TNKS: variants seen among roughly 807,000 people sequenced by gnomAD.
The protein encoded by TNKS is poly [ADP-ribose] polymerase tankyrase-1.
TNKS carries 72 observed loss-of-function variants against 135.8 expected under a neutral mutation model. The observed-to-expected ratio is 0.53, with a 90% confidence interval of 0.44 to 0.64. The LOEUF is 0.64. Among genes scored for constraint, TNKS ranks in the 30% least tolerant of loss-of-function variants. The pLI is 0.00. For missense variants in TNKS, 1,769 were observed against 1,674.0 expected, an observed-to-expected ratio of 1.06 and a Z score of -0.99; for synonymous variants, 849 against 649.3, an observed-to-expected ratio of 1.31 and a Z score of -4.68.
chr8:9,668,765 G>A (rs956767366), intron 3 of TNKS, among the ~76,000 whole-genome samples: 2 of 152,132 alleles, frequency 1.3e-5, no homozygotes, highest in Admixed American at 6.5e-5. Flanking sequence ...AAAATGCAAG[G>A]TGTATTTGGG....
Position 9,603,301 on chromosome 8 carries a change from C to T in TNKS, c.899-12281C>T, listed in dbSNP as rs147352363. 3.6e-3 allele frequency among the ~76,000 whole-genome samples: 544 copies of T among 151,974 alleles called. 3 individuals carry two copies. The highest frequency in any genetic ancestry group is 5.4e-3 in the Non-Finnish European group (368 of 67,992). On this transcript the variant is annotated intron_variant, in intron 2 of 26. Coordinates refer to ENST00000310430, the MANE Select transcript of TNKS (RefSeq NM_003747.3). Reference sequence around the variant, plus strand: ...GACTCCTGACCTGAAGTGATCCGCCCGCCTTGGCCTCCCAAAGTGCTGGGA... The same window carrying T: ...GACTCCTGACCTGAAGTGATCCGCCTGCCTTGGCCTCCCAAAGTGCTGGGA...
chr8:9,734,801 T>A, intron 15 of TNKS, 64 bp from the exon 16 acceptor site: 1 of 1,348,724 alleles, frequency 7.4e-7, no homozygotes, highest in Non-Finnish European at 1.0e-6. Flanking sequence ...ATTAATTACC[T>A]ACCTACCTAC....
intron 3 of TNKS, among the ~76,000 whole-genome samples, chr8:9,634,355 C>A (rs1003868384): frequency 6.6e-6 from 1 of 152,044 alleles, no homozygotes; most frequent in Non-Finnish European, 1.5e-5. Context: ...ATATTTCAAA[C>A]AACCACACTG....
intron 3 of TNKS, among the ~76,000 whole-genome samples, chr8:9,677,542 GTC>G (rs1461038782): frequency 1.3e-5 from 2 of 151,544 alleles, no homozygotes; most frequent in Non-Finnish European, 2.9e-5. Flanking sequence ...TGTTTTTACT[GTC>G]TATCAGGGAA....
Position 9,751,804 on chromosome 8 carries a change from G to A in TNKS, c.3028G>A (p.Ala1010Thr), listed in dbSNP as rs377231324. Reference protein sequence around the residue: ...AELAVGGASNAGDGAAGTERK... With the variant: ...AELAVGGASNTGDGAAGTERK... ...GTTGGCCGTAGGAGGAGCCTCCAAT[G>A]CAGGGGATGGCGCCGCGGGAACAGA... Residue 1010 changes from alanine to threonine, a missense_variant, in exon 19 of 27, where the codon GCA becomes ACA. By Grantham distance (58) the Ala-to-Thr change is moderately conservative. Coordinates refer to ENST00000310430, the MANE Select transcript of TNKS (RefSeq NM_003747.3). The A allele has an allele frequency of 2.5e-6, 4 of 1,614,068 alleles. No individual in the cohort carries two copies. In the South Asian group the frequency reaches 3.3e-5, roughly 13 times the overall value.
chr8:9,704,769 A>C lies in TNKS; in HGVS notation c.1202+12A>C, dbSNP rs1434960082. On this transcript the variant is annotated intron_variant, in intron 6 of 26. Coordinates refer to ENST00000310430, the MANE Select transcript of TNKS (RefSeq NM_003747.3). ...GCAAAAGACAAAGGGTAGGTCTATC[A>C]GTTTACTTCCTGTCAGTGCTTTGTT... 1.9e-6 allele frequency: 3 copies of C among 1,605,416 alleles called. No homozygotes were observed. Among genetic ancestry groups the C allele is most frequent in the Admixed American group, 3.4e-5 (2 of 59,252 alleles).
chr8:9,614,641 C>G (rs1013628907), intron 2 of TNKS, among the ~76,000 whole-genome samples: 2 of 152,102 alleles, frequency 1.3e-5, no homozygotes, highest in African/African-American at 4.8e-5. Flanking sequence ...AAATTTGGGA[C>G]TCATCAACGG....
At chr8:9,748,498 T>C (rs1806358090) in intron 18 of TNKS, among the ~76,000 whole-genome samples, 1 of 152,228 alleles carries the variant, frequency 6.6e-6, no homozygotes, top group South Asian at 2.1e-4. Flanking sequence ...TTATATTTAG[T>C]AAAATATCTT....
chr8:9,756,085 C>A (rs1806819809), intron 20 of TNKS, among the ~76,000 whole-genome samples: 1 of 152,106 alleles, frequency 6.6e-6, no homozygotes, highest in South Asian at 2.1e-4. Context: ...ATTTACACTG[C>A]AATTCCTAGA....
chr8:9,589,500 C>T (rs757752378), intron 2 of TNKS, among the ~76,000 whole-genome samples: 1 of 152,242 alleles, frequency 6.6e-6, no homozygotes, highest in Non-Finnish European at 1.5e-5. Flanking sequence ...TCATTAGAAT[C>T]CTCCCTTAAA....
chr8:9,614,465 G>C (rs1016776501), intron 2 of TNKS, among the ~76,000 whole-genome samples: 3 of 152,142 alleles, frequency 2.0e-5, no homozygotes, highest in Non-Finnish European at 4.4e-5. Context: ...TAAGGCTGTT[G>C]TTTGTCCATT....
chr8:9,658,721 T>A (rs1377783241), intron 3 of TNKS, among the ~76,000 whole-genome samples: 1 of 152,184 alleles, frequency 6.6e-6, no homozygotes, highest in Non-Finnish European at 1.5e-5. Context: ...CAGGATCAAA[T>A]TCACACATAA....
intron 12 of TNKS, among the ~76,000 whole-genome samples, chr8:9,720,897 A>G (rs1429296733): frequency 6.6e-6 from 1 of 152,204 alleles, no homozygotes; most frequent in African/African-American, 2.4e-5. Context: ...CATTTAATTA[A>G]TTGTTCCTAC....
rs186106718 is a variant in TNKS, at chr8:9,625,650, A to G, written c.994+9973A>G. Among the ~76,000 whole-genome samples the G allele has an allele frequency of 1.2e-3, 181 of 152,220 alleles. 2 individuals carry two copies. Among genetic ancestry groups the G allele is most frequent in the Admixed American group, 7.8e-3 (120 of 15,296 alleles). On this transcript the variant is annotated intron_variant, in intron 3 of 26. Coordinates refer to ENST00000310430, the MANE Select transcript of TNKS (RefSeq NM_003747.3). Reference sequence around the variant, plus strand: ...TCTTGAGATTTCGTCTTTAACCCACAGACTATTTAGAGTATGGTTGTTTAG... The same window carrying G: ...TCTTGAGATTTCGTCTTTAACCCACGGACTATTTAGAGTATGGTTGTTTAG...
intron 3 of TNKS, among the ~76,000 whole-genome samples, chr8:9,644,526 C>T (rs1800842379): frequency 6.6e-6 from 1 of 152,114 alleles, no homozygotes; most frequent in African/African-American, 2.4e-5. Flanking sequence ...AGAACTTTTT[C>T]TTATCAAGTG....
chr8:9,557,365 G>A (rs1286614253), intron 1 of TNKS: 2 of 149,540 alleles, frequency 1.3e-5, no homozygotes. Flanking sequence ...CTCAAAAAGT[G>A]TGAATTTCTT....
intron 2 of TNKS, among the ~76,000 whole-genome samples, chr8:9,611,500 G>A (rs374589939): frequency 4.0e-4 from 61 of 152,202 alleles, no homozygotes; most frequent in East Asian, 1.2e-3. Flanking sequence ...CTATCAATGC[G>A]TATTGATTTT....
chr8:9,567,697 C>A (rs369028907), intron 1 of TNKS, among the ~76,000 whole-genome samples: 2 of 152,206 alleles, frequency 1.3e-5, no homozygotes, highest in South Asian at 2.1e-4. Flanking sequence ...GATTACAGGC[C>A]TGAGCCACCG....
intron 2 of TNKS, among the ~76,000 whole-genome samples, chr8:9,607,108 T>A (rs959616557): frequency 2.6e-5 from 4 of 152,194 alleles, no homozygotes; most frequent in African/African-American, 9.7e-5. Context: ...GTCATGCATA[T>A]TGTATTAGAT....
Sources: allele counts gnomAD v4.1 joint callset (sites outside exome capture counted in the v4.1 genomes callset), GRCh38; gene constraint gnomAD v4.1.1; transcripts MANE v1.5; gene names NCBI Gene and HGNC (gene_info 2026-07-23, HGNC 2026-07-21).